DORIP1: variants seen among roughly 807,000 people sequenced by gnomAD.
DORIP1 encodes the protein dopamine receptor interacting protein 1, also known as dopamine receptor-interacting protein 1.
the DORIP1 span, among the ~76,000 whole-genome samples, chr14:44,899,824 A>ATTTTTTTTTT: frequency 8.7e-6 from 1 of 115,274 alleles, no homozygotes; most frequent in Non-Finnish European, 1.7e-5. Flanking sequence ...TCATTTAGGA[A>ATTTTTTTTTT]TTTTTTTTTT....
the DORIP1 span, among the ~76,000 whole-genome samples, chr14:44,902,798 T>C: frequency 6.6e-6 from 1 of 152,136 alleles, no homozygotes; most frequent in Non-Finnish European, 1.5e-5. Flanking sequence ...TGAAGTAATG[T>C]AGAAAAAAAG....
the DORIP1 span, chr14:44,903,588 C>T: frequency 9.7e-7 from 1 of 1,033,178 alleles, no homozygotes; most frequent in Non-Finnish European, 1.2e-6. Context: ...GGATTTTTTT[C>T]TGCACTCTCC....
At chr14:44,903,626 T>TA in the DORIP1 span, 1 of 1,000,738 alleles carries the variant, frequency 1.0e-6, no homozygotes, top group African/African-American at 1.7e-5. Flanking sequence ...AAATGACAAC[T>TA]AAAAAACTTA....
At chr14:44,899,373 AGTATAGCCTCT>A in the DORIP1 span, 1 of 152,238 alleles carries the variant, frequency 6.6e-6, no homozygotes, top group Non-Finnish European at 1.5e-5. Flanking sequence ...AGATCTTCAT[AGTATAGCCTCT>A]GTAGTTAAAA....
chr14:44,903,030 T>A, the DORIP1 span, among the ~76,000 whole-genome samples: 1 of 152,206 alleles, frequency 6.6e-6, no homozygotes, highest in African/African-American at 2.4e-5. Flanking sequence ...ATTTCATAAT[T>A]AGTGTTTGAG....
the DORIP1 span, chr14:44,903,579 G>T: frequency 9.6e-7 from 1 of 1,042,118 alleles, no homozygotes; most frequent in African/African-American, 1.7e-5. Context: ...CAATTATCTG[G>T]ATTTTTTTCT....
At chr14:44,899,605 A>G in the DORIP1 span, among the ~76,000 whole-genome samples, 1 of 152,064 alleles carries the variant, frequency 6.6e-6, no homozygotes, top group Non-Finnish European at 1.5e-5. Flanking sequence ...CTCTACAACA[A>G]ATAAAATATG....
At chr14:44,900,851 T>C in the DORIP1 span, 5 of 1,613,910 alleles carry the variant, frequency 3.1e-6, no homozygotes, top group African/African-American at 6.7e-5. Context: ...CATGATAATT[T>C]TACAAAAAAT....
At chr14:44,900,436 A>G in the DORIP1 span, 2 of 1,486,642 alleles carry the variant, frequency 1.3e-6, no homozygotes, top group Non-Finnish European at 1.8e-6. Flanking sequence ...AAAATGTAGG[A>G]TGAAGACACT....
the DORIP1 span, chr14:44,905,656 C>A: frequency 1.3e-6 from 1 of 778,816 alleles, no homozygotes; most frequent in African/African-American, 1.8e-5. Flanking sequence ...TTCAACTATA[C>A]TAGTTTCAGA....
chr14:44,904,289 A>G, the DORIP1 span: 4 of 1,494,328 alleles, frequency 2.7e-6, no homozygotes, highest in African/African-American at 1.4e-5. Flanking sequence ...ACCTACACCT[A>G]TAATAGATAA....
chr14:44,900,072 C>T, the DORIP1 span, among the ~76,000 whole-genome samples: 1 of 152,016 alleles, frequency 6.6e-6, no homozygotes, highest in Admixed American at 6.5e-5. Flanking sequence ...CTCAGGTGAT[C>T]GCCCGCCTCA....
the DORIP1 span, chr14:44,904,407 A>G: frequency 6.2e-7 from 1 of 1,610,976 alleles, no homozygotes; most frequent in South Asian, 1.1e-5. Flanking sequence ...GTGGTGGCTT[A>G]AGAGAATTTT....
the DORIP1 span, among the ~76,000 whole-genome samples, chr14:44,902,707 GAATAA>G: frequency 1.3e-5 from 2 of 151,826 alleles, no homozygotes; most frequent in Non-Finnish European, 2.9e-5. Context: ...TTATACTATT[GAATAA>G]AATATTTTTC....
At chr14:44,903,154 TTA>T in the DORIP1 span, 2 of 1,287,372 alleles carry the variant, frequency 1.6e-6, no homozygotes, top group Non-Finnish European at 2.3e-6. Context: ...TTATAATATA[TTA>T]AGATATAAAA....
chr14:44,905,037 T>C, the DORIP1 span: 12 of 193,320 alleles, frequency 6.2e-5, no homozygotes, highest in East Asian at 6.4e-4. Context: ...AAACATAAAA[T>C]GTTACTTGTC....
chr14:44,901,031 G>A, the DORIP1 span: 2 of 1,450,570 alleles, frequency 1.4e-6, no homozygotes, highest in Non-Finnish European at 9.3e-7. Context: ...ATGTAGTCGT[G>A]TACCCCATAA....
the DORIP1 span, chr14:44,904,051 A>AT: frequency 1.3e-5 from 13 of 985,138 alleles, no homozygotes; most frequent in South Asian, 6.1e-4. Flanking sequence ...TTAGAGTCAT[A>AT]TTTTTCCCCT....
chr14:44,897,732 A>T, the DORIP1 span, among the ~76,000 whole-genome samples: 4 of 151,714 alleles, frequency 2.6e-5, no homozygotes, highest in African/African-American at 9.7e-5. Flanking sequence ...TAACTCGGGG[A>T]CCCGCCCGCC....
Sources: allele counts gnomAD v4.1 joint callset (sites outside exome capture counted in the v4.1 genomes callset), GRCh38; gene constraint gnomAD v4.1.1; transcripts MANE v1.5; gene names NCBI Gene and HGNC (gene_info 2026-07-23, HGNC 2026-07-21).